The following NDUFS2 variants were observed in gnomAD, a reference collection of about 807,000 sequenced individuals.
NDUFS2 encodes NADH:ubiquinone oxidoreductase core subunit S2, also known as NADH dehydrogenase [ubiquinone] iron-sulfur protein 2, mitochondrial.
A neutral mutation model predicts 69.6 loss-of-function variants in NDUFS2; 38 were observed. The observed-to-expected ratio is 0.55, with a 90% confidence interval of 0.42 to 0.72. The LOEUF is 0.72. Ranked by LOEUF, NDUFS2 falls within the 30% of genes least tolerant of loss-of-function variation. NDUFS2 has a pLI of 0.00. For synonymous variants in NDUFS2, 194 were observed against 211.2 expected (o/e 0.92, Z 0.70); for missense variants, 468 against 595.0 (o/e 0.79, Z 2.22).
In NDUFS2 at chr1:161,212,339, C is replaced by A; in HGVS notation, c.987-12C>A. ...TGACTGTTCTTCTCTTGCTCTGTCT[C>A]ATCTTCTTGAGGTACCTGTGCCGGG... is the stretch of plus-strand genomic sequence containing the variant. On this transcript the variant is annotated splice_polypyrimidine_tract_variant and intron_variant, in intron 9 of 13. Coordinates refer to ENST00000676972, the MANE Select transcript of NDUFS2 (RefSeq NM_001377299.1). The A allele has an allele frequency of 6.2e-7, 1 of 1,613,274 alleles. No individual in the cohort carries two copies. The highest frequency in any genetic ancestry group is 8.5e-7 in the Non-Finnish European group (1 of 1,179,478).
At chr1:161,202,538 G>C (rs567685852) in intron 1 of NDUFS2, 58 bp downstream of exon 1, 19 of 1,507,902 alleles carry the variant, frequency 1.3e-5, no homozygotes, top group Admixed American at 9.5e-5. Flanking sequence ...TCTCAGGTTG[G>C]GGACGCTTTA....
upstream of NDUFS2, among the ~76,000 whole-genome samples, chr1:161,200,041 C>T (rs73023838): frequency 4.1e-3 from 620 of 152,220 alleles, 4 homozygotes; most frequent in African/African-American, 0.014. Context: ...CTCTCAGGAA[C>T]CCAGATTCAC....
chr1:161,197,877 A>C (rs1374358745), upstream of NDUFS2: 7 of 1,432,264 alleles, frequency 4.9e-6, no homozygotes, highest in Non-Finnish European at 6.5e-6. Context: ...AAAGGCAGGC[A>C]GAAGGGAGGG....
In NDUFS2 at chr1:161,210,641, A is replaced by G; in HGVS notation, c.917A>G (p.Gln306Arg). ...SGIQWDLRKT[Q>R]PYDVYDQVEF... ...ATCCAGTGGGACCTGCGGAAGACCC[A>G]GCCCTATGATGTTTACGACCAGGTT... The change falls in exon 9 of 14, where the codon CAG (glutamine) becomes CGG (arginine). Residue 306 changes from glutamine to arginine, a missense_variant. Physicochemically the swap from Gln to Arg is conservative, Grantham distance 43 (BLOSUM62 1). Transcript: ENST00000676972. 2 of 1,614,166 alleles carry G rather than the reference A, an allele frequency of 1.2e-6. No individual in the cohort carries two copies. Among genetic ancestry groups the G allele is most frequent in the East Asian group, 2.2e-5 (1 of 44,888 alleles).
chr1:161,202,498 T>C lies in NDUFS2; in HGVS notation c.95+18T>C, dbSNP rs927289106. On this transcript the variant is annotated intron_variant, in intron 1 of 13. Coordinates refer to ENST00000676972, the MANE Select transcript of NDUFS2 (RefSeq NM_001377299.1). ...CCCAGCAGGTGAGATCGAGGGCAGC[T>C]CTCGACACACTTTCTCCAAGGCTAG... 2 of 1,601,220 alleles carry C rather than the reference T, an allele frequency of 1.2e-6. No individual in the cohort carries two copies. The highest frequency in any genetic ancestry group is 8.5e-7 in the Non-Finnish European group (1 of 1,173,780).
upstream of NDUFS2, chr1:161,197,958 G>T: frequency 1.3e-6 from 2 of 1,523,864 alleles, no homozygotes; most frequent in Non-Finnish European, 8.8e-7. Flanking sequence ...GACATGGCGG[G>T]AGGACACCGC....
upstream of NDUFS2, chr1:161,202,358 C>G (rs886045458): frequency 3.8e-6 from 6 of 1,598,132 alleles, no homozygotes; most frequent in Non-Finnish European, 5.1e-6. Context: ...GCCCGGTTCT[C>G]CTTCCCGCAG....
chr1:161,197,924 G>A, upstream of NDUFS2: 1 of 1,508,160 alleles, frequency 6.6e-7, no homozygotes, highest in Non-Finnish European at 8.9e-7. Flanking sequence ...GGTGGAGAGA[G>A]GGTGAATAGG....
At chr1:161,212,174 A>G (rs1380969424) in intron 9 of NDUFS2, among the ~76,000 whole-genome samples, 177 bp from the exon 10 acceptor site, 10 of 151,872 alleles carry the variant, frequency 6.6e-5, no homozygotes, top group African/African-American at 2.4e-4. Context: ...GTTTCAGAAA[A>G]AAAAAAAAAG....
intron 3 of NDUFS2, 134 bp downstream of exon 3, chr1:161,206,731 T>A: frequency 1.1e-6 from 1 of 938,580 alleles, no homozygotes; most frequent in Non-Finnish European, 1.6e-6. Flanking sequence ...TACTCTTGGT[T>A]GGGTGGATGG....
chr1:161,213,154 C>T, intron 10 of NDUFS2: 1 of 459,464 alleles, frequency 2.2e-6, no homozygotes, highest in Non-Finnish European at 4.1e-6. Context: ...CTGCCCACCT[C>T]AGCCTCCCAA....
chr1:161,209,583 AGAAAG>A lies in NDUFS2; in HGVS notation c.617_621del (p.Glu206GlyfsTer5). 1 of 1,611,532 alleles carries A rather than the reference AGAAAG, an allele frequency of 6.2e-7. No individual in the cohort carries two copies. Among genetic ancestry groups the A allele is most frequent in the Non-Finnish European group, 8.5e-7 (1 of 1,179,602 alleles). ...TGACCCCTTTCTTCTGGCTGTTTGA[AGAAAG>A]GGAGAAGGTAAGAGTGGGAGGAAAG... On this transcript the variant is annotated frameshift_variant, in exon 5 of 14. Transcript: ENST00000676972. LOFTEE classifies it high-confidence loss of function.
upstream of NDUFS2, chr1:161,198,992 GTC>G (rs1031236266): frequency 4.5e-6 from 1 of 223,078 alleles, no homozygotes; most frequent in Non-Finnish European, 8.8e-6. This position sits in a 1 kb window ranked among gnomAD's most constrained non-coding sequence, Gnocchi z 4.7. Flanking sequence ...CTTTGTCTCT[GTC>G]TCTTTCCTCC....
chr1:161,210,860 T>G lies in NDUFS2; in HGVS notation c.986+150T>G, dbSNP rs1571618278. 3.3e-6 allele frequency: 4 copies of G among 1,209,896 alleles called. No individual in the cohort carries two copies. In the East Asian group the frequency reaches 1.0e-4, roughly 31 times the overall value. 74.9% of individuals were successfully genotyped at this position (1,209,896 alleles called of 1,614,324 possible). ...AGGTTGCTCTCAAAACACTTTCACA[T>G]ATATGGAATCTTACTTATTTTTTTC... On this transcript the variant is annotated intron_variant, in intron 9 of 13. Coordinates refer to ENST00000676972, the MANE Select transcript of NDUFS2 (RefSeq NM_001377299.1).
rs142586717 is a variant in NDUFS2 at position 161,212,396 on chromosome 1, C to T, written c.1032C>T (p.Ile344=). 58 of 1,613,712 alleles carry T rather than the reference C, an allele frequency of 3.6e-5. No individual in the cohort carries two copies. The highest frequency in any genetic ancestry group is 8.0e-5 in the African/African-American group (6 of 74,894). Residue 344 remains isoleucine, a synonymous_variant, in exon 10 of 14, where the codon ATC becomes ATT. Transcript: ENST00000676972. ...AGATGCGCCAGTCCCTGAGAATTAT[C>T]GCACAGTGTCTAAACAAGATGCCTC... ...VEEMRQSLRI[I]AQCLNKMPPG...
At chr1:161,208,918 A>G (rs988858309) in intron 3 of NDUFS2, among the ~76,000 whole-genome samples, 7 of 152,238 alleles carry the variant, frequency 4.6e-5, no homozygotes, top group Non-Finnish European at 1.0e-4. Flanking sequence ...TGATATTGGT[A>G]ACTTAAAATT....
chr1:161,205,262 G>A (rs1665398958), intron 2 of NDUFS2, among the ~76,000 whole-genome samples: 1 of 152,070 alleles, frequency 6.6e-6, no homozygotes, highest in East Asian at 1.9e-4. Flanking sequence ...CCCTATAAGT[G>A]TTCATTGTTA....
At position 161,209,895 on chromosome 1, in the gene NDUFS2, G is replaced by C. The variant is rs1410267097; in HGVS notation, c.666G>C (p.Met222Ile). The C allele has an allele frequency of 6.2e-7, 1 of 1,614,014 alleles. No homozygotes were observed. Among genetic ancestry groups the C allele is most frequent in the Non-Finnish European group, 8.5e-7 (1 of 1,180,038 alleles). ...ACGAGCGAGTGTCTGGAGCCCGAAT[G>C]CATGCTGCTTATATCCGGCCAGGAG... The part of the protein sequence containing the change: ...EFYERVSGAR[M>I]HAAYIRPGGV... Residue 222 changes from methionine to isoleucine, a missense_variant, in exon 6 of 14, where the codon ATG (methionine) becomes ATC (isoleucine). Around this residue, in one of 3 missense-constraint regions of NDUFS2, gnomAD observed 339 missense variants for 433.8 expected, o/e 0.78. Coordinates refer to ENST00000676972, the MANE Select transcript of NDUFS2 (RefSeq NM_001377299.1).
rs375651203 is a variant in NDUFS2, at chr1:161,206,602, G to C, written c.393+5G>C. On this transcript the variant is annotated splice_donor_5th_base_variant and intron_variant, in intron 3 of 13. Coordinates refer to ENST00000676972, the MANE Select transcript of NDUFS2 (RefSeq NM_001377299.1). ...GAATACAAGACCTATCTTCAGGTGT[G>C]GGGGGTGAACAGGAGCCTTTTGGCG... The C allele has an allele frequency of 8.1e-6, 13 of 1,612,518 alleles. No individual in the cohort carries two copies. The highest frequency in any genetic ancestry group is 2.7e-5 in the African/African-American group (2 of 75,024).
Sources: gnomAD v4.1 joint callset for allele counts (sites outside exome capture counted in the v4.1 genomes callset) on GRCh38, gnomAD v4.1.1 for gene constraint, gnomAD v4.1.1 regional missense constraint, Gnocchi (gnomAD v3.1) non-coding constraint, MANE v1.5 for transcripts, NCBI Gene and HGNC (gene_info 2026-07-23, HGNC 2026-07-21) for gene names.